ADAM10: variants seen among roughly 807,000 people sequenced by gnomAD.
ADAM10 encodes ADAM metallopeptidase domain 10, also known as disintegrin and metalloproteinase domain-containing protein 10.
Under a neutral mutation model 90.1 loss-of-function variants are expected in ADAM10, and 17 were observed. The observed-to-expected ratio is 0.19, with a 90% CI of 0.13 to 0.28. ADAM10 has a LOEUF of 0.28. Among genes scored for constraint, ADAM10 ranks in the 10% least tolerant of loss-of-function variants. ADAM10 has a pLI of 1.00. For synonymous variants in ADAM10, 310 were observed against 298.6 expected (o/e 1.04, Z -0.40); for missense variants, 610 against 914.3 (o/e 0.67, Z 4.29).
At chr15:58,727,195 TTTTTTTTTTTCC>T (rs1232268290) in intron 1 of ADAM10, among the ~76,000 whole-genome samples, 12 of 126,482 alleles carry the variant, frequency 9.5e-5, no homozygotes, top group African/African-American at 1.3e-4. Context: ...TTTTTTTTTT[TTTTTTTTTTTCC>T]CAAAAACAGC....
chr15:58,665,052 A>G (rs1484549881), intron 5 of ADAM10, 45 bp downstream of exon 5: 2 of 1,372,278 alleles, frequency 1.5e-6, no homozygotes, highest in Non-Finnish European at 2.1e-6. Flanking sequence ...ACATCCTCAA[A>G]TTCATTTCCA....
chr15:58,738,485 ATCT>A (rs566896159), intron 1 of ADAM10, among the ~76,000 whole-genome samples: 1 of 152,248 alleles, frequency 6.6e-6, no homozygotes, highest in Non-Finnish European at 1.5e-5. Context: ...CAGTCAAATC[ATCT>A]TCTAGAAGCA....
intron 2 of ADAM10, among the ~76,000 whole-genome samples, chr15:58,708,003 G>C (rs965051303): frequency 2.6e-4 from 40 of 152,158 alleles, no homozygotes; most frequent in African/African-American, 9.2e-4. Context: ...CTGGAACCCA[G>C]GAGGTGGAGG....
At chr15:58,603,648 C>T (rs1895176594) in intron 14 of ADAM10, among the ~76,000 whole-genome samples, 1 of 151,838 alleles carries the variant, frequency 6.6e-6, no homozygotes, top group Admixed American at 6.6e-5. Flanking sequence ...GACCATGTTA[C>T]TCCTTCATGT....
At chr15:58,670,805 T>A (rs1427932233) in intron 4 of ADAM10, among the ~76,000 whole-genome samples, 2 of 152,108 alleles carry the variant, frequency 1.3e-5, no homozygotes, top group Admixed American at 6.6e-5. Flanking sequence ...AGCACAAAAA[T>A]ATTTTTATTT....
At chr15:58,716,270 A>G (rs1411744668) in intron 2 of ADAM10, among the ~76,000 whole-genome samples, 1 of 152,212 alleles carries the variant, frequency 6.6e-6, no homozygotes, top group Non-Finnish European at 1.5e-5. Flanking sequence ...GGATAATACC[A>G]AATAGTAGCC....
At chr15:58,686,485 G>T (rs1328133523) in intron 2 of ADAM10, 3 of 1,410,636 alleles carry the variant, frequency 2.1e-6, no homozygotes, top group African/African-American at 2.8e-5. Flanking sequence ...GCGTGGAGAG[G>T]ATCAATGTCT....
At chr15:58,701,509 C>T (rs1898134811) in intron 2 of ADAM10, among the ~76,000 whole-genome samples, 1 of 152,110 alleles carries the variant, frequency 6.6e-6, no homozygotes. Context: ...GAATGTGAAG[C>T]AACAGTAACT....
In ADAM10 at chr15:58,599,585, C is replaced by G. The variant is rs1388125704; in HGVS notation, c.2152+13G>C. ...GAGTTACATAAATATGTATCTTGCTCAAATATTCTTACCTGGAAGTGGTTT... is the reference window on the plus strand; with the variant it reads ...GAGTTACATAAATATGTATCTTGCTGAAATATTCTTACCTGGAAGTGGTTT... On this transcript the variant is annotated intron_variant, in intron 15 of 15. Coordinates refer to ENST00000260408, the MANE Select transcript of ADAM10 (RefSeq NM_001110.4). The G allele has an allele frequency of 6.2e-7, 1 of 1,612,532 alleles. No homozygotes were observed. Among genetic ancestry groups the G allele is most frequent in the Admixed American group, 1.7e-5 (1 of 59,994 alleles).
intron 5 of ADAM10, among the ~76,000 whole-genome samples, chr15:58,663,303 C>A (rs537979051): frequency 6.6e-6 from 1 of 152,082 alleles, no homozygotes; most frequent in Non-Finnish European, 1.5e-5. Context: ...TTTTCTGGAT[C>A]CATTTATTCA....
Position 58,597,483 on chromosome 15 carries a change from G to A in ADAM10, c.*64C>T. The A allele has an allele frequency of 4.3e-6, 7 of 1,612,586 alleles. No individual in the cohort carries two copies. The highest frequency in any genetic ancestry group is 5.9e-6 in the Non-Finnish European group (7 of 1,179,334). On this transcript the variant is annotated 3_prime_UTR_variant, in exon 16 of 16. Coordinates refer to ENST00000260408, the MANE Select transcript of ADAM10 (RefSeq NM_001110.4). ...TAGTTTGGAGATGATGACTTAATAG[G>A]TTTCTCTTTGGAGTGAAGTTTTCCC...
At position 58,596,512 on chromosome 15, in the gene ADAM10, T is replaced by C. The variant is rs535022549; in HGVS notation, c.*1035A>G. Reference sequence around the variant, plus strand: ...GTGATGATATGCTGAAAAAACCGTTTAAATATTTTGATAAAGACACAGCTT... The same window carrying C: ...GTGATGATATGCTGAAAAAACCGTTCAAATATTTTGATAAAGACACAGCTT... On this transcript the variant is annotated 3_prime_UTR_variant, in exon 16 of 16. Transcript: ENST00000260408. 1 of 152,730 alleles carries C rather than the reference T, an allele frequency of 6.5e-6. No homozygotes were observed. The highest frequency in any genetic ancestry group is 2.1e-4 in the South Asian group (1 of 4,824). The allele number at this position is 152,730 out of a possible 1,614,324, so 9.5% of individuals were successfully genotyped here.
intron 2 of ADAM10, among the ~76,000 whole-genome samples, chr15:58,714,097 C>G (rs1898570226): frequency 6.6e-6 from 1 of 152,112 alleles, no homozygotes; most frequent in Non-Finnish European, 1.5e-5. Context: ...AGCCACCGCA[C>G]CTGGCCATAG....
At chr15:58,710,612 C>T (rs1329797034) in intron 2 of ADAM10, among the ~76,000 whole-genome samples, 2 of 152,152 alleles carry the variant, frequency 1.3e-5, no homozygotes, top group African/African-American at 2.4e-5. Flanking sequence ...CTTTAACTAA[C>T]GTATGTTGCA....
chr15:58,641,505 T>G (rs1896415428), intron 7 of ADAM10, among the ~76,000 whole-genome samples: 1 of 152,134 alleles, frequency 6.6e-6, no homozygotes, highest in African/African-American at 2.4e-5. Flanking sequence ...AACTGCAAAT[T>G]TATTTTTTTT....
At chr15:58,712,589 G>A (rs1362312184) in intron 2 of ADAM10, among the ~76,000 whole-genome samples, 1 of 151,922 alleles carries the variant, frequency 6.6e-6, no homozygotes, top group Non-Finnish European at 1.5e-5. Context: ...GGAGGCCAAG[G>A]TGGGCGGATC....
intron 10 of ADAM10, among the ~76,000 whole-genome samples, chr15:58,624,301 C>A (rs1596002353): frequency 6.6e-6 from 1 of 151,506 alleles, no homozygotes; most frequent in Non-Finnish European, 1.5e-5. Flanking sequence ...AAAGCAAAAA[C>A]AAAAACAAAA....
chr15:58,633,032 C>T (rs571412526), intron 9 of ADAM10, among the ~76,000 whole-genome samples, 164 bp downstream of exon 9: 4 of 152,186 alleles, frequency 2.6e-5, no homozygotes, highest in African/African-American at 4.8e-5. Flanking sequence ...CACAAACATT[C>T]TATCTTCCTC....
chr15:58,655,156 G>T (rs1372980655), intron 5 of ADAM10: 1 of 152,106 alleles, frequency 6.6e-6, no homozygotes, highest in Non-Finnish European at 1.5e-5. Flanking sequence ...AATAATATTT[G>T]CTTTATATAT....
Sources: allele counts gnomAD v4.1 joint callset (sites outside exome capture counted in the v4.1 genomes callset), GRCh38; gene constraint gnomAD v4.1.1; transcripts MANE v1.5; gene names NCBI Gene and HGNC (gene_info 2026-07-23, HGNC 2026-07-21).